PPP6R3: variants seen among roughly 807,000 people sequenced by gnomAD.
PPP6R3 encodes the protein protein phosphatase 6 regulatory subunit 3.
In PPP6R3, 38 loss-of-function variants were observed where a neutral mutation model predicts 110.7. The observed-to-expected ratio is 0.34, with a 90% CI of 0.26 to 0.45. The LOEUF (loss-of-function observed/expected upper bound fraction) is 0.45, where lower values mean the gene tolerates loss of function less well. Ranked by LOEUF, PPP6R3 falls within the 20% of genes least tolerant of loss-of-function variation. The probability of loss-of-function intolerance (pLI) is 1.00; values close to 1 mark genes in which losing one functional copy is unlikely to be tolerated. For missense variants in PPP6R3, 870 were observed against 1,062.4 expected, an observed-to-expected ratio of 0.82 and a Z score of 2.52; for synonymous variants, 369 against 373.5, an observed-to-expected ratio of 0.99 and a Z score of 0.14.
chr11:68,471,924 T>C (rs570453449), intron 1 of PPP6R3, among the ~76,000 whole-genome samples: 1 of 151,590 alleles, frequency 6.6e-6, no homozygotes, highest in African/African-American at 2.4e-5. Context: ...CTTTTTTTTT[T>C]CTTGGTGAAA....
intron 2 of PPP6R3, among the ~76,000 whole-genome samples, chr11:68,530,388 A>G (rs1025169546): frequency 6.6e-6 from 1 of 152,190 alleles, no homozygotes; most frequent in Admixed American, 6.5e-5. Context: ...TGTTAAATAT[A>G]TAGTATTAAA....
At chr11:68,590,068 C>T (rs2099590503) in intron 16 of PPP6R3, among the ~76,000 whole-genome samples, 1 of 152,220 alleles carries the variant, frequency 6.6e-6, no homozygotes, top group South Asian at 2.1e-4. Flanking sequence ...AATCTCTTTA[C>T]AGTCTGTATT....
intron 13 of PPP6R3, among the ~76,000 whole-genome samples, chr11:68,575,532 C>T (rs894951063): frequency 6.6e-6 from 1 of 152,218 alleles, no homozygotes; most frequent in African/African-American, 2.4e-5. Flanking sequence ...TCATTTGCAG[C>T]ATTTTCTAGA....
At chr11:68,569,920 T>G (rs752321928) in intron 11 of PPP6R3, 23 bp downstream of exon 11, 1 of 1,591,014 alleles carries the variant, frequency 6.3e-7, no homozygotes, top group Non-Finnish European at 8.6e-7. Context: ...GGTCTCGTTT[T>G]TCTCCCACTC....
At chr11:68,553,788 C>A (rs1242071350) in intron 6 of PPP6R3, among the ~76,000 whole-genome samples, 1 of 152,100 alleles carries the variant, frequency 6.6e-6, no homozygotes, top group Non-Finnish European at 1.5e-5. Context: ...ACCTAGAAAT[C>A]TGAAATGTTC....
At chr11:68,512,172 T>G (rs2099114117) in intron 1 of PPP6R3, among the ~76,000 whole-genome samples, 1 of 152,216 alleles carries the variant, frequency 6.6e-6, no homozygotes, top group African/African-American at 2.4e-5. Context: ...ATTAGTCTGC[T>G]CAGGGTTGCC....
At chr11:68,486,846 A>G (rs2098950949) in intron 1 of PPP6R3, among the ~76,000 whole-genome samples, 1 of 151,896 alleles carries the variant, frequency 6.6e-6, no homozygotes, top group Admixed American at 6.6e-5. Flanking sequence ...GTTCCATTTC[A>G]TTTAGGTTAT....
chr11:68,551,772 C>A (rs184403091), intron 6 of PPP6R3, among the ~76,000 whole-genome samples: 1 of 152,300 alleles, frequency 6.6e-6, no homozygotes, highest in Admixed American at 6.5e-5. Flanking sequence ...CAGCCGTGAG[C>A]CACTGTGCCC....
At chr11:68,559,539 T>C (rs2099411309) in intron 8 of PPP6R3, among the ~76,000 whole-genome samples, 1 of 152,200 alleles carries the variant, frequency 6.6e-6, no homozygotes, top group African/African-American at 2.4e-5. Flanking sequence ...CTTTTAGCGG[T>C]GTAATTTTGG....
chr11:68,596,226 G>A lies in PPP6R3; in HGVS notation c.2038+8G>A, dbSNP rs1450776336. The A allele has an allele frequency of 6.2e-7, 1 of 1,614,054 alleles. No homozygotes were observed. The highest frequency in any genetic ancestry group is 1.3e-5 in the African/African-American group (1 of 74,928). ...AGGTGGACCTGAGTGAACGTAAGTG[G>A]ATTCATTCTTCAGATCAGCTGCCCT... On this transcript the variant is annotated splice_region_variant and intron_variant, in intron 19 of 23. Transcript: ENST00000393800.
intron 1 of PPP6R3, among the ~76,000 whole-genome samples, chr11:68,496,071 C>T (rs1393128334): frequency 6.6e-6 from 1 of 151,890 alleles, no homozygotes; most frequent in African/African-American, 2.4e-5. Context: ...TGCATGATAG[C>T]CTTGACCTCC....
intron 15 of PPP6R3, chr11:68,587,015 A>T (rs1281524419): frequency 2.0e-5 from 3 of 152,168 alleles, no homozygotes; most frequent in African/African-American, 7.2e-5. Context: ...TGGTCACTGT[A>T]TTTATTGTTT....
At chr11:68,541,909 AG>A (rs1480800182) in intron 3 of PPP6R3, among the ~76,000 whole-genome samples, 1 of 152,052 alleles carries the variant, frequency 6.6e-6, no homozygotes, top group Non-Finnish European at 1.5e-5. Context: ...CCATCAGTAC[AG>A]GTTCTTTGGA....
At chr11:68,588,751 C>T (rs914599670) in intron 16 of PPP6R3, among the ~76,000 whole-genome samples, 15 of 138,090 alleles carry the variant, frequency 1.1e-4, no homozygotes, top group Admixed American at 2.2e-4. Context: ...GGCCAAGACT[C>T]GGTCTTTAAA....
intron 6 of PPP6R3, among the ~76,000 whole-genome samples, chr11:68,551,675 A>G (rs1460799922): frequency 6.6e-6 from 1 of 151,970 alleles, no homozygotes; most frequent in Non-Finnish European, 1.5e-5. Flanking sequence ...GTTAGTAGAG[A>G]CCGGGGTTTC....
chr11:68,470,531 C>T (rs1430368355), intron 1 of PPP6R3, among the ~76,000 whole-genome samples: 1 of 152,056 alleles, frequency 6.6e-6, no homozygotes, highest in Non-Finnish European at 1.5e-5. Context: ...GTCTTTTTCT[C>T]TGAGTGAGAT....
intron 4 of PPP6R3, among the ~76,000 whole-genome samples, chr11:68,547,596 T>G (rs2099354465): frequency 6.6e-6 from 1 of 152,224 alleles, no homozygotes. Flanking sequence ...CCAGGTGAGT[T>G]AGTTATTTTG....
chr11:68,481,582 T>C (rs1178136561), intron 1 of PPP6R3, among the ~76,000 whole-genome samples: 2 of 152,182 alleles, frequency 1.3e-5, no homozygotes, highest in African/African-American at 4.8e-5. Context: ...TTTAGCAGAA[T>C]TGTTGTGAGG....
At chr11:68,486,260 C>CT (rs1405889680) in intron 1 of PPP6R3, among the ~76,000 whole-genome samples, 2 of 151,890 alleles carry the variant, frequency 1.3e-5, no homozygotes, top group Non-Finnish European at 2.9e-5. Flanking sequence ...GTGTCCTTGT[C>CT]TGATTTTGGT....
Sources: gnomAD v4.1 joint callset for allele counts (sites outside exome capture counted in the v4.1 genomes callset) on GRCh38, gnomAD v4.1.1 for gene constraint, MANE v1.5 for transcripts, NCBI Gene and HGNC (gene_info 2026-07-23, HGNC 2026-07-21) for gene names.